PARD3: variants seen among roughly 807,000 people sequenced by gnomAD.
PARD3 encodes the protein partitioning defective 3 homolog.
Under a neutral mutation model 155.4 loss-of-function variants are expected in PARD3, and 75 were observed. The ratio of observed to expected loss-of-function variants is 0.48; its 90% CI spans 0.40 to 0.58. The LOEUF (loss-of-function observed/expected upper bound fraction) is 0.58, where lower values mean the gene tolerates loss of function less well. PARD3 is among the 20% of genes least tolerant of loss of function. The pLI, the probability that PARD3 is intolerant of heterozygous loss-of-function variation, is 0.00. For synonymous variants in PARD3, 576 were observed against 610.5 expected (o/e 0.94, Z 0.83); for missense variants, 1,642 against 1,721.7 (o/e 0.95, Z 0.82).
chr10:34,308,916 G>A (rs1026948466), intron 20 of PARD3, among the ~76,000 whole-genome samples: 2 of 152,134 alleles, frequency 1.3e-5, no homozygotes, highest in East Asian at 1.9e-4. Context: ...GGTAGGCCAG[G>A]GAGGAGGAGG....
At chr10:34,677,747 A>G (rs2093735647) in intron 2 of PARD3, among the ~76,000 whole-genome samples, 1 of 152,192 alleles carries the variant, frequency 6.6e-6, no homozygotes, top group Non-Finnish European at 1.5e-5. Context: ...AGATACCATG[A>G]CTAACTCTCA....
At chr10:34,180,212 T>A (rs577447891) in intron 22 of PARD3, among the ~76,000 whole-genome samples, 1 of 152,222 alleles carries the variant, frequency 6.6e-6, no homozygotes, top group African/African-American at 2.4e-5. Context: ...CACGCCTGGC[T>A]AATTTTGTGT....
At position 34,152,970 on chromosome 10, in the gene PARD3, C is replaced by T. The variant is rs1460619283; in HGVS notation, c.3420-21387G>A. Among the ~76,000 whole-genome samples the T allele has an allele frequency of 2.6e-5, 4 of 152,260 alleles. No homozygotes were observed. The East Asian group carries it at 5.8e-4, about 22-fold the overall frequency. On this transcript the variant is annotated intron_variant, in intron 22 of 24. Transcript: ENST00000374788. ...GGCCCAGAGAGATCCAGTGACATGACAAAGCTAATAAACTAGGCAGATGGC... is the reference window on the plus strand; with the variant it reads ...GGCCCAGAGAGATCCAGTGACATGATAAAGCTAATAAACTAGGCAGATGGC...
At chr10:34,701,331 G>GAT (rs2094272455) in intron 1 of PARD3, among the ~76,000 whole-genome samples, 2 of 115,494 alleles carry the variant, frequency 1.7e-5, no homozygotes, top group Non-Finnish European at 3.5e-5. Context: ...ATACACGCGG[G>GAT]GATGTTGTTG....
rs146238348 is a variant in PARD3 at position 34,155,524 on chromosome 10, C to T, written c.3420-23941G>A. Among the ~76,000 whole-genome samples the T allele has an allele frequency of 4.9e-3, 753 of 152,190 alleles. 5 individuals are homozygous for T. The highest frequency in any genetic ancestry group is 0.016 in the African/African-American group (680 of 41,518). On this transcript the variant is annotated intron_variant, in intron 22 of 24. Coordinates refer to ENST00000374788, the MANE Select transcript of PARD3 (RefSeq NM_001184785.2). ...ACGGCTACGTGTTGGTTCAGCAGAA[C>T]CCCAGAAAGACTTGGGAATTGGAGG...
chr10:34,731,155 T>A (rs78338602), intron 1 of PARD3, among the ~76,000 whole-genome samples: 1 of 152,218 alleles, frequency 6.6e-6, no homozygotes, highest in African/African-American at 2.4e-5. Flanking sequence ...TTTATAATGA[T>A]CTTCCAAATC....
chr10:34,399,584 TA>T (rs1843683792), intron 6 of PARD3, among the ~76,000 whole-genome samples, 171 bp from the exon 7 acceptor site: 1 of 152,196 alleles, frequency 6.6e-6, no homozygotes, highest in African/African-American at 2.4e-5. Flanking sequence ...TTCTGGAATA[TA>T]AGCATGGTGA....
intron 4 of PARD3, among the ~76,000 whole-genome samples, chr10:34,465,425 C>T (rs973219462): frequency 4.6e-5 from 7 of 152,046 alleles, no homozygotes; most frequent in South Asian, 2.1e-4. Context: ...GAAAGAAAAG[C>T]GAGATGACAA....
At chr10:34,752,861 T>C (rs1338327000) in intron 1 of PARD3, among the ~76,000 whole-genome samples, 1 of 152,216 alleles carries the variant, frequency 6.6e-6, no homozygotes, top group Non-Finnish European at 1.5e-5. Flanking sequence ...TGTGTGCGAA[T>C]ACCTCAGCTA....
chr10:34,184,439 C>G (rs566258155), intron 22 of PARD3, among the ~76,000 whole-genome samples: 25 of 152,250 alleles, frequency 1.6e-4, no homozygotes, highest in African/African-American at 6.0e-4. Flanking sequence ...CTGATGGCAC[C>G]CCCTGGCTCA....
chr10:34,488,352 C>T (rs1173090226), intron 3 of PARD3, among the ~76,000 whole-genome samples: 2 of 151,960 alleles, frequency 1.3e-5, no homozygotes, highest in African/African-American at 4.8e-5. Flanking sequence ...CAGAGTCTCG[C>T]TCTGTCACCC....
intron 22 of PARD3, among the ~76,000 whole-genome samples, chr10:34,167,795 A>G (rs72784181): frequency 0.09 from 13,778 of 152,246 alleles, 1,370 homozygotes; most frequent in African/African-American, 0.25. Context: ...AGGTCATTTT[A>G]TAAGATGTAT....
At chr10:34,503,180 A>G (rs78920665) in intron 3 of PARD3, among the ~76,000 whole-genome samples, 1 of 152,354 alleles carries the variant, frequency 6.6e-6, no homozygotes, top group East Asian at 1.9e-4. Context: ...CTGCCAAGCA[A>G]TACAATATTC....
intron 3 of PARD3, among the ~76,000 whole-genome samples, chr10:34,479,364 T>C (rs1589720050): frequency 6.6e-6 from 1 of 152,030 alleles, no homozygotes; most frequent in African/African-American, 2.4e-5. Flanking sequence ...GGTTTCACTG[T>C]GTTAGCCAGA....
At chr10:34,624,984 C>T (rs891672586) in intron 2 of PARD3, among the ~76,000 whole-genome samples, 1 of 152,202 alleles carries the variant, frequency 6.6e-6, no homozygotes, top group South Asian at 2.1e-4. Context: ...CAAAGACATA[C>T]AAGAGCTAAG....
chr10:34,418,606 T>C (rs1845893369), intron 5 of PARD3, among the ~76,000 whole-genome samples: 1 of 152,238 alleles, frequency 6.6e-6, no homozygotes, highest in Non-Finnish European at 1.5e-5. Flanking sequence ...TTCATGATTA[T>C]TAATCTTTAG....
At chr10:34,715,076 C>CT (rs35205452) in intron 1 of PARD3, among the ~76,000 whole-genome samples, 333 of 136,734 alleles carry the variant, frequency 2.4e-3, no homozygotes, top group African/African-American at 4.4e-3. Context: ...CTAGCCTAAC[C>CT]TTTTTTTTTT....
intron 2 of PARD3, among the ~76,000 whole-genome samples, chr10:34,534,920 G>A (rs1346341765): frequency 1.3e-5 from 2 of 152,098 alleles, no homozygotes; most frequent in Non-Finnish European, 2.9e-5. Context: ...GCTGAGGCAG[G>A]GGAATTGCTT....
chr10:34,111,743 G>A (rs902088748), intron 24 of PARD3, among the ~76,000 whole-genome samples, 181 bp from the exon 25 acceptor site: 12 of 152,146 alleles, frequency 7.9e-5, no homozygotes, highest in Admixed American at 4.6e-4. Context: ...CTCAGCAAGC[G>A]CATAGTCTTA....
Sources: gnomAD v4.1 joint callset for allele counts (sites outside exome capture counted in the v4.1 genomes callset) on GRCh38, gnomAD v4.1.1 for gene constraint, MANE v1.5 for transcripts, NCBI Gene and HGNC (gene_info 2026-07-23, HGNC 2026-07-21) for gene names.